CNBD1: variants seen among roughly 807,000 people sequenced by gnomAD.
The protein encoded by CNBD1 is cyclic nucleotide-binding domain-containing protein 1.
Under a neutral mutation model 54.4 loss-of-function variants are expected in CNBD1, and 71 were observed. The observed-to-expected ratio is 1.30, with a 90% CI of 1.08 to 1.59. The LOEUF (loss-of-function observed/expected upper bound fraction) is 1.59. Ranked by LOEUF, CNBD1 falls within the 40% of genes most tolerant of loss-of-function variation. The pLI is 0.00. For missense variants in CNBD1, 659 were observed against 518.0 expected, an observed-to-expected ratio of 1.27 and a Z score of -2.64; for synonymous variants, 182 against 170.7, an observed-to-expected ratio of 1.07 and a Z score of -0.51.
At chr8:87,400,406 A>T (rs1807536075) in intron 2 of CNBD1, among the ~76,000 whole-genome samples, 1 of 151,996 alleles carries the variant, frequency 6.6e-6, no homozygotes, top group African/African-American at 2.4e-5. Flanking sequence ...TGGGTAGAAA[A>T]CTGAAAAGAA....
rs1474974053 is a variant in CNBD1, at chr8:87,216,124, T to A, written c.577+9986T>A. Among the ~76,000 whole-genome samples the A allele has an allele frequency of 1.3e-4, 20 of 152,208 alleles. 1 individual carries two copies. Among genetic ancestry groups the A allele is most frequent in the Admixed American group, 1.3e-3 (20 of 15,274 alleles). On this transcript the variant is annotated intron_variant, in intron 5 of 10. Transcript: ENST00000518476. Reference sequence around the variant, plus strand: ...GAATAATATCCTCTTATGTAAGCTATTTTTAAAATGCTTTTTAAAAATCAA... The same window carrying A: ...GAATAATATCCTCTTATGTAAGCTAATTTTAAAATGCTTTTTAAAAATCAA...
intron 2 of CNBD1, among the ~76,000 whole-genome samples, chr8:87,390,731 C>A (rs956737967): frequency 1.3e-5 from 2 of 152,054 alleles, no homozygotes; most frequent in Non-Finnish European, 1.5e-5. Context: ...CCCAGCCATC[C>A]CATTACTGGG....
downstream of CNBD1, among the ~76,000 whole-genome samples, chr8:87,384,402 A>G (rs1433812662): frequency 6.6e-6 from 1 of 152,104 alleles, no homozygotes; most frequent in African/African-American, 2.4e-5. Flanking sequence ...ATATAATATT[A>G]TATGGTACAT....
At chr8:87,328,970 C>G (rs550214781) in intron 8 of CNBD1, among the ~76,000 whole-genome samples, 1 of 151,984 alleles carries the variant, frequency 6.6e-6, no homozygotes, top group Admixed American at 6.6e-5. Context: ...ATTACCAAAC[C>G]CAAGGCCATC....
chr8:87,219,450 A>G (rs1814279733), intron 5 of CNBD1, among the ~76,000 whole-genome samples: 1 of 152,008 alleles, frequency 6.6e-6, no homozygotes, highest in South Asian at 2.1e-4. Flanking sequence ...ATACCCTTCA[A>G]GACAAATTAT....
intron 3 of CNBD1, among the ~76,000 whole-genome samples, chr8:86,928,505 C>G (rs1809402839): frequency 6.6e-6 from 1 of 152,136 alleles, no homozygotes; most frequent in African/African-American, 2.4e-5. Flanking sequence ...AAAGCCAGAC[C>G]ATTGTCACTT....
chr8:87,157,864 TTC>T (rs1332401990), intron 4 of CNBD1, among the ~76,000 whole-genome samples: 1 of 152,208 alleles, frequency 6.6e-6, no homozygotes, highest in Non-Finnish European at 1.5e-5. Context: ...TAGCTGTGAT[TTC>T]TCTCTCTGAT....
intron 10 of CNBD1, among the ~76,000 whole-genome samples, chr8:87,356,199 G>A (rs986225856): frequency 6.6e-6 from 1 of 152,122 alleles, no homozygotes; most frequent in Non-Finnish European, 1.5e-5. Context: ...TAATACAGAC[G>A]TGGGGTGTTG....
chr8:87,170,460 A>G (rs895769700), intron 4 of CNBD1, among the ~76,000 whole-genome samples: 12 of 152,186 alleles, frequency 7.9e-5, no homozygotes, highest in African/African-American at 2.9e-4. Flanking sequence ...ACTATGTTGA[A>G]AAACAGTGGT....
At chr8:86,984,958 C>G (rs115399938) in intron 4 of CNBD1, among the ~76,000 whole-genome samples, 1 of 151,860 alleles carries the variant, frequency 6.6e-6, no homozygotes, top group South Asian at 2.1e-4. Context: ...TGGGAGGGGT[C>G]GGGGTGGAAT....
At chr8:86,876,725 A>G (rs1808526987) in intron 1 of CNBD1, among the ~76,000 whole-genome samples, 1 of 151,878 alleles carries the variant, frequency 6.6e-6, no homozygotes. Flanking sequence ...GGTTCATGAA[A>G]GGCTTCACTA....
At chr8:87,381,333 T>C (rs1460251106) in intron 10 of CNBD1, among the ~76,000 whole-genome samples, 1 of 151,996 alleles carries the variant, frequency 6.6e-6, no homozygotes, top group African/African-American at 2.4e-5. Context: ...CAGTGAAATA[T>C]TACCTCATAC....
intron 5 of CNBD1, among the ~76,000 whole-genome samples, chr8:87,207,189 G>A (rs976911912): frequency 4.6e-5 from 7 of 152,018 alleles, no homozygotes; most frequent in African/African-American, 1.7e-4. Context: ...ATTAGATTGA[G>A]GATAGTAATT....
intron 2 of CNBD1, among the ~76,000 whole-genome samples, chr8:87,421,475 T>C (rs1807936231): frequency 7.4e-6 from 1 of 135,786 alleles, no homozygotes; most frequent in Non-Finnish European, 1.5e-5. Flanking sequence ...CCTTCCTGTG[T>C]CCATGTGATC....
chr8:87,314,069 G>A (rs1305523916), intron 8 of CNBD1, among the ~76,000 whole-genome samples: 1 of 151,776 alleles, frequency 6.6e-6, no homozygotes, highest in African/African-American at 2.4e-5. Flanking sequence ...TAAGTTACTT[G>A]ATTTGATTAC....
chr8:87,373,254 A>G (rs918171486), intron 10 of CNBD1, among the ~76,000 whole-genome samples: 10 of 151,962 alleles, frequency 6.6e-5, no homozygotes, highest in African/African-American at 1.4e-4. Context: ...TACTGACCCA[A>G]TGATACTTCT....
At chr8:87,035,964 A>T (rs1809930811) in intron 4 of CNBD1, among the ~76,000 whole-genome samples, 1 of 152,192 alleles carries the variant, frequency 6.6e-6, no homozygotes, top group Admixed American at 6.5e-5. Flanking sequence ...ATGCTGGGAA[A>T]CTAATACCTG....
chr8:87,335,233 A>G (rs187000471), intron 8 of CNBD1, among the ~76,000 whole-genome samples: 131 of 152,218 alleles, frequency 8.6e-4, no homozygotes, highest in Non-Finnish European at 8.8e-5. Flanking sequence ...CTTGATACAG[A>G]GCTGAGTTTG....
chr8:87,426,291 G>C (rs961990568), intron 2 of CNBD1, among the ~76,000 whole-genome samples: 3 of 152,190 alleles, frequency 2.0e-5, no homozygotes, highest in Non-Finnish European at 4.4e-5. Flanking sequence ...GCGTCGCTCA[G>C]GCTGGGAGCT....
Sources: gnomAD v4.1 joint callset for allele counts (sites outside exome capture counted in the v4.1 genomes callset) on GRCh38, gnomAD v4.1.1 for gene constraint, MANE v1.5 for transcripts, NCBI Gene and HGNC (gene_info 2026-07-23, HGNC 2026-07-21) for gene names.